The following LRP2 variants were observed in gnomAD, a reference collection of about 807,000 sequenced individuals.
LRP2 encodes the protein LDL receptor related protein 2.
A neutral mutation model predicts 531.0 loss-of-function variants in LRP2; 172 were observed. That is an observed-to-expected ratio of 0.32 (90% CI 0.29 to 0.37). The LOEUF (loss-of-function observed/expected upper bound fraction) is 0.37, where lower values mean the gene tolerates loss of function less well. LRP2 is among the 10% of genes least tolerant of loss of function. LRP2 has a pLI of 1.00. For synonymous variants in LRP2, 1,992 were observed against 2,027.6 expected, an observed-to-expected ratio of 0.98 and a Z score of 0.47; for missense variants, 5,167 against 5,868.3, an observed-to-expected ratio of 0.88 and a Z score of 3.90.
chr2:169,273,020 C>T lies in LRP2; in HGVS notation c.2023G>A (p.Val675Ile), dbSNP rs779357300. 3 of 1,613,746 alleles carry T rather than the reference C, an allele frequency of 1.9e-6. No homozygotes were observed. The highest frequency in any genetic ancestry group is 1.3e-5 in the African/African-American group (1 of 75,008). The change falls in exon 15 of 79, where the codon GTC (valine) becomes ATC (isoleucine). Residue 675 changes from valine to isoleucine, a missense_variant. Coordinates refer to ENST00000649046, the MANE Select transcript of LRP2 (RefSeq NM_004525.3). ...DNNGGCEQVC[V>I]LSHRTDNDGL... is the part of the protein sequence containing the mutation. ...TCATTATCTGTTCTGTGGCTGAGGA[C>T]ACAGACCTGCTCACAGCCCCCATTG...
chr2:169,171,957 A>G, intron 58 of LRP2, 58 bp downstream of exon 58: 1 of 1,610,592 alleles, frequency 6.2e-7, no homozygotes, highest in Non-Finnish European at 8.5e-7. Flanking sequence ...ATTATGGACA[A>G]AAAGCAAACA....
At chr2:169,260,565 G>A (rs1039360395) in intron 16 of LRP2, among the ~76,000 whole-genome samples, 3 of 152,018 alleles carry the variant, frequency 2.0e-5, no homozygotes, top group South Asian at 2.1e-4. Flanking sequence ...TCCAGGTGAC[G>A]TATCCAAAAG....
chr2:169,273,931 CAG>C (rs1482997202), intron 14 of LRP2, among the ~76,000 whole-genome samples: 2 of 152,108 alleles, frequency 1.3e-5, no homozygotes, highest in African/African-American at 4.8e-5. Flanking sequence ...CTATTCAAAA[CAG>C]ATATTTCCAA....
chr2:169,250,920 A>C (rs1444870356), intron 19 of LRP2, among the ~76,000 whole-genome samples: 1 of 3,696 alleles, frequency 2.7e-4, no homozygotes, highest in African/African-American at 2.0e-3. Flanking sequence ...TAAAGGGATC[A>C]ATTCAACAAG....
At chr2:169,313,151 TC>T (rs1171789138) in intron 3 of LRP2, among the ~76,000 whole-genome samples, 1 of 152,186 alleles carries the variant, frequency 6.6e-6, no homozygotes, top group African/African-American at 2.4e-5. Flanking sequence ...GGTTTGAACA[TC>T]CCCCTTTAGC....
At chr2:169,178,052 T>A (rs746603741) in intron 52 of LRP2, 26 bp from the exon 53 acceptor site, 1 of 1,540,398 alleles carries the variant, frequency 6.5e-7, no homozygotes, top group Non-Finnish European at 9.0e-7. Context: ...GAAACAGTTA[T>A]GTGATAAAGG....
At chr2:169,140,622 GT>G in intron 71 of LRP2, 77 bp from the exon 72 acceptor site, 1 of 1,124,234 alleles carries the variant, frequency 8.9e-7, no homozygotes, top group Non-Finnish European at 1.3e-6. Flanking sequence ...ACCGGCCCAG[GT>G]TAGGGGTGGG....
At chr2:169,181,389 A>C in intron 52 of LRP2, 59 bp downstream of exon 52, 1 of 1,542,762 alleles carries the variant, frequency 6.5e-7, no homozygotes, top group African/African-American at 1.4e-5. Flanking sequence ...TGGAATCACA[A>C]GCTCTGATGT....
chr2:169,361,975 G>A (rs1001614432), intron 1 of LRP2, among the ~76,000 whole-genome samples: 1 of 152,222 alleles, frequency 6.6e-6, no homozygotes, highest in African/African-American at 2.4e-5. Context: ...GCTAGGGAGG[G>A]CAGGCTGCAA....
chr2:169,192,915 C>T (rs554078129), intron 47 of LRP2, among the ~76,000 whole-genome samples: 1 of 152,272 alleles, frequency 6.6e-6, no homozygotes, highest in South Asian at 2.1e-4. Context: ...ATGCAAGCAG[C>T]AGGGAGCCAT....
intron 59 of LRP2, 23 bp downstream of exon 59, chr2:169,170,528 T>A: frequency 6.3e-7 from 1 of 1,582,244 alleles, no homozygotes; most frequent in South Asian, 1.1e-5. Context: ...AATTCTATGG[T>A]AAGCTTCTCA....
intron 1 of LRP2, among the ~76,000 whole-genome samples, chr2:169,357,216 C>T (rs1271543163): frequency 6.6e-6 from 1 of 151,078 alleles, no homozygotes; most frequent in Non-Finnish European, 1.5e-5. Context: ...CTTGAGAACC[C>T]CTTTCCTATC....
intron 19 of LRP2, among the ~76,000 whole-genome samples, chr2:169,255,765 TTGAAAA>T (rs1690279314): frequency 6.6e-6 from 1 of 152,210 alleles, no homozygotes; most frequent in Non-Finnish European, 1.5e-5. Flanking sequence ...TGTTTTATTC[TTGAAAA>T]TGAAGGCAGT....
chr2:169,175,996 A>G (rs1482385869), intron 54 of LRP2, among the ~76,000 whole-genome samples: 1 of 152,226 alleles, frequency 6.6e-6, no homozygotes, highest in Non-Finnish European at 1.5e-5. Context: ...ATGATCAAAA[A>G]TGGATTTGAA....
At chr2:169,314,120 C>T (rs1447651617) in intron 3 of LRP2, among the ~76,000 whole-genome samples, 1 of 152,156 alleles carries the variant, frequency 6.6e-6, no homozygotes, top group Non-Finnish European at 1.5e-5. Flanking sequence ...ACAAGTAAAC[C>T]TGGCACAGTG....
At position 169,168,695 on chromosome 2, in the gene LRP2, AC is replaced by A. The variant is rs1686880924; in HGVS notation, c.11498-20del. 12 of 1,590,520 alleles carry A rather than the reference AC, an allele frequency of 7.5e-6. No individual in the cohort carries two copies. The highest frequency in any genetic ancestry group is 1.0e-5 in the Non-Finnish European group (12 of 1,158,212). On this transcript the variant is annotated intron_variant, in intron 60 of 78. Transcript: ENST00000649046. ...CGTGTGGCTGCCATGGGGGAAAAAA[AC>A]ATATTCAAATTATTATACAAATTGA...
intron 1 of LRP2, among the ~76,000 whole-genome samples, chr2:169,343,722 G>C (rs901818541): frequency 7.2e-5 from 11 of 152,190 alleles, no homozygotes; most frequent in South Asian, 2.1e-4. Context: ...TTTGGCCACA[G>C]GTTAACTATG....
chr2:169,274,178 G>A (rs563893215), intron 14 of LRP2, among the ~76,000 whole-genome samples: 29 of 152,206 alleles, frequency 1.9e-4, no homozygotes, highest in African/African-American at 5.8e-4. Flanking sequence ...TTCTACCAAC[G>A]TAGTGTAGTT....
chr2:169,171,151 C>T (rs1329301202), intron 58 of LRP2, among the ~76,000 whole-genome samples: 1 of 151,996 alleles, frequency 6.6e-6, no homozygotes, highest in Non-Finnish European at 1.5e-5. Flanking sequence ...AGACAAAATG[C>T]CAATTGGATT....
Sources: gnomAD v4.1 joint callset for allele counts (sites outside exome capture counted in the v4.1 genomes callset) on GRCh38, gnomAD v4.1.1 for gene constraint, MANE v1.5 for transcripts, NCBI Gene and HGNC (gene_info 2026-07-23, HGNC 2026-07-21) for gene names.